PEBP4: variants seen among roughly 807,000 people sequenced by gnomAD.
PEBP4 encodes phosphatidylethanolamine binding protein 4.
Under a neutral mutation model 23.9 loss-of-function variants are expected in PEBP4, and 22 were observed. The observed-to-expected ratio is 0.92, with a 90% confidence interval of 0.66 to 1.31. The LOEUF (loss-of-function observed/expected upper bound fraction) is 1.31, where lower values mean the gene tolerates loss of function less well. Ranked by LOEUF, PEBP4 falls within the 40% of genes most tolerant of loss-of-function variation. The probability of loss-of-function intolerance (pLI) is 0.00; values close to 1 mark genes in which losing one functional copy is unlikely to be tolerated. For synonymous variants in PEBP4, 112 were observed against 99.3 expected (o/e 1.13, Z -0.76); for missense variants, 324 against 281.7 (o/e 1.15, Z -1.07).
At chr8:22,745,388 T>C (rs1805090712) in intron 4 of PEBP4, among the ~76,000 whole-genome samples, 2 of 152,116 alleles carry the variant, frequency 1.3e-5, no homozygotes, top group Non-Finnish European at 2.9e-5. Flanking sequence ...GCCCTGGTGA[T>C]TCAGGGCAGG....
At chr8:22,728,124 A>T (rs1804654350) in intron 4 of PEBP4, among the ~76,000 whole-genome samples, 1 of 152,032 alleles carries the variant, frequency 6.6e-6, no homozygotes, top group Non-Finnish European at 1.5e-5. Flanking sequence ...TGCCCTGGCT[A>T]CCTTTTCACC....
intron 3 of PEBP4, among the ~76,000 whole-genome samples, chr8:22,826,105 T>C (rs1475231245): frequency 6.6e-6 from 1 of 152,238 alleles, no homozygotes; most frequent in Admixed American, 6.5e-5. Flanking sequence ...TCTAGAAAGC[T>C]TGGTGTACAA....
intron 6 of PEBP4, among the ~76,000 whole-genome samples, chr8:22,715,436 G>A (rs561667999): frequency 1.1e-4 from 17 of 152,252 alleles, no homozygotes; most frequent in South Asian, 2.1e-4. Flanking sequence ...GTGCGCACGC[G>A]CACATGCCAG....
intron 3 of PEBP4, among the ~76,000 whole-genome samples, chr8:22,851,998 A>G (rs552550572): frequency 1.7e-4 from 26 of 152,244 alleles, no homozygotes; most frequent in African/African-American, 5.8e-4. Context: ...TTAATTTTCA[A>G]TCCCTGGGGA....
chr8:22,760,654 T>C (rs1175179242), intron 4 of PEBP4, among the ~76,000 whole-genome samples: 4 of 152,092 alleles, frequency 2.6e-5, no homozygotes, highest in African/African-American at 9.7e-5. Context: ...AAGTGGTTCC[T>C]ACAGGGCCTG....
chr8:22,860,721 A>C (rs1009035167), intron 3 of PEBP4, among the ~76,000 whole-genome samples: 4 of 152,334 alleles, frequency 2.6e-5, no homozygotes, highest in Non-Finnish European at 5.9e-5. Flanking sequence ...CCTCCGTTAC[A>C]AGTTAGTCAT....
chr8:22,796,217 C>T (rs1806256077), intron 4 of PEBP4, among the ~76,000 whole-genome samples: 1 of 151,912 alleles, frequency 6.6e-6, no homozygotes, highest in South Asian at 2.1e-4. Context: ...ACTCTTGAAC[C>T]TATAGATTTG....
intron 4 of PEBP4, among the ~76,000 whole-genome samples, chr8:22,770,401 C>T (rs1805693701): frequency 6.6e-6 from 1 of 152,250 alleles, no homozygotes; most frequent in Non-Finnish European, 1.5e-5. Flanking sequence ...CCCTGCTTCT[C>T]AAATGCTGTG....
intron 4 of PEBP4, among the ~76,000 whole-genome samples, chr8:22,813,829 G>T (rs1232913176): frequency 2.0e-5 from 3 of 152,166 alleles, no homozygotes; most frequent in Non-Finnish European, 4.4e-5. Flanking sequence ...GGAGACTGGA[G>T]CCTAGTCCTG....
In PEBP4 at chr8:22,904,206, G is replaced by A. The variant is rs372658715; in HGVS notation, c.258+15978C>T. On this transcript the variant is annotated intron_variant, in intron 3 of 6. Transcript: ENST00000256404. ...CCCTGGCTGATCTGCACACGAGGCA[G>A]CTTGTGCCTCAGTACCTGCTGAGGG... 2.4e-4 allele frequency among the ~76,000 whole-genome samples: 36 copies of A among 152,334 alleles called. 1 individual carries two copies. The East Asian group carries it at 3.7e-3, about 16-fold the overall frequency.
At position 22,866,953 on chromosome 8, in the gene PEBP4, T is replaced by A. The variant is rs527883302; in HGVS notation, c.259-49218A>T. On this transcript the variant is annotated intron_variant, in intron 3 of 6. Transcript: ENST00000256404. ...AAGGGGACCCCAGGAAGGAGAACTT[T>A]GTACCCCAGCTGTGCAAAGGATCGG... Among the ~76,000 whole-genome samples the A allele has an allele frequency of 6.6e-5, 10 of 152,188 alleles. No individual in the cohort carries two copies. The South Asian group carries it at 2.1e-3, about 32-fold the overall frequency.
intron 4 of PEBP4, among the ~76,000 whole-genome samples, chr8:22,769,924 G>A (rs1297654370): frequency 6.6e-6 from 1 of 152,160 alleles, no homozygotes; most frequent in Non-Finnish European, 1.5e-5. Flanking sequence ...CCTGTGCTCA[G>A]GAACCTGCAT....
chr8:22,884,499 T>C (rs903888181), intron 3 of PEBP4: 16 of 152,178 alleles, frequency 1.1e-4, no homozygotes, highest in African/African-American at 3.9e-4. Flanking sequence ...GAGAAGCAAG[T>C]GCAGATCGTG....
chr8:22,933,285 G>C lies in PEBP4; in HGVS notation c.145-5565C>G, dbSNP rs115258108. 6.0e-3 allele frequency among the ~76,000 whole-genome samples: 907 copies of C among 152,276 alleles called. 4 individuals carry two copies. The highest frequency in any genetic ancestry group is 0.021 in the African/African-American group (873 of 41,544). On this transcript the variant is annotated intron_variant, in intron 1 of 1. Coordinates refer to the PEBP4 transcript ENST00000522278. ...CACTGAAGACAAAGATTACAGTTGA[G>C]ACATACAACAGACCATCTAAAGCCC...
At chr8:22,929,150 T>G (rs1343441619), upstream of PEBP4, among the ~76,000 whole-genome samples, 2 of 152,238 alleles carry the variant, frequency 1.3e-5, no homozygotes, top group Admixed American at 6.5e-5. Context: ...GCCTGGCACA[T>G]AGTAAATGCT....
At chr8:22,835,861 G>A (rs111679942) in intron 3 of PEBP4, among the ~76,000 whole-genome samples, 1 of 152,168 alleles carries the variant, frequency 6.6e-6, no homozygotes, top group African/African-American at 2.4e-5. Context: ...TTCAATGACC[G>A]GCTCTTCAGG....
chr8:22,888,019 T>C (rs1353849401), intron 3 of PEBP4: 6 of 152,174 alleles, frequency 3.9e-5, no homozygotes, highest in Non-Finnish European at 8.8e-5. Flanking sequence ...AGTGCTCTCA[T>C]TTTAATTGCT....
intron 4 of PEBP4, among the ~76,000 whole-genome samples, chr8:22,795,064 G>A (rs1806214003): frequency 6.8e-6 from 1 of 146,298 alleles, no homozygotes; most frequent in Non-Finnish European, 1.5e-5. Flanking sequence ...TTGCTATTCA[G>A]TGATATGTCT....
At chr8:22,814,568 G>A (rs1277581841) in intron 4 of PEBP4, among the ~76,000 whole-genome samples, 1 of 152,150 alleles carries the variant, frequency 6.6e-6, no homozygotes, top group African/African-American at 2.4e-5. Flanking sequence ...CCTACTGAAG[G>A]GTTCCTATGG....
Sources: gnomAD v4.1 joint callset for allele counts (sites outside exome capture counted in the v4.1 genomes callset) on GRCh38, gnomAD v4.1.1 for gene constraint, MANE v1.5 for transcripts, NCBI Gene and HGNC (gene_info 2026-07-23, HGNC 2026-07-21) for gene names.